Variants in CNTN5 observed in about 807,000 individuals in gnomAD.
CNTN5 encodes the protein contactin 5, also known as contactin-5.
In CNTN5, 77 loss-of-function variants were observed where a neutral mutation model predicts 129.1. The ratio of observed to expected loss-of-function variants is 0.60; its 90% confidence interval spans 0.50 to 0.72. The LOEUF (loss-of-function observed/expected upper bound fraction) is 0.72, where lower values mean the gene tolerates loss of function less well. CNTN5 is among the 30% of genes least tolerant of loss of function. The pLI is 0.00. For missense variants in CNTN5, 1,478 were observed against 1,328.8 expected (o/e 1.11, Z -1.75); for synonymous variants, 509 against 465.6 (o/e 1.09, Z -1.20).
At chr11:100,107,270 C>A (rs909558635) in intron 13 of CNTN5, among the ~76,000 whole-genome samples, 2 of 151,928 alleles carry the variant, frequency 1.3e-5, no homozygotes, top group African/African-American at 2.4e-5. Context: ...GAAATAGAAG[C>A]CCCTAGTGTA....
At chr11:99,649,481 T>C (rs1952079759) in intron 3 of CNTN5, among the ~76,000 whole-genome samples, 1 of 151,770 alleles carries the variant, frequency 6.6e-6, no homozygotes, top group African/African-American at 2.4e-5. Context: ...AAATCTCAGG[T>C]ATTTTACTGA....
intron 3 of CNTN5, among the ~76,000 whole-genome samples, chr11:99,811,979 G>C (rs1308071177): frequency 6.6e-6 from 1 of 152,096 alleles, no homozygotes; most frequent in African/African-American, 2.4e-5. Context: ...GGTTTGAGGA[G>C]AGTGGGTAAG....
At chr11:99,584,655 G>T (rs1300156015) in intron 3 of CNTN5, among the ~76,000 whole-genome samples, 1 of 152,162 alleles carries the variant, frequency 6.6e-6, no homozygotes, top group African/African-American at 2.4e-5. Flanking sequence ...ACATATGTTA[G>T]TAATTTGTGT....
At chr11:99,516,136 TA>T (rs35072410) in intron 2 of CNTN5, among the ~76,000 whole-genome samples, 24 of 151,262 alleles carry the variant, frequency 1.6e-4, no homozygotes, top group Admixed American at 1.1e-3. Context: ...TGCTAATTGT[TA>T]AAAAAAATGG....
intron 3 of CNTN5, among the ~76,000 whole-genome samples, chr11:99,722,196 GTAT>G (rs1024361816): frequency 1.2e-4 from 19 of 152,252 alleles, no homozygotes; most frequent in African/African-American, 4.6e-4. Flanking sequence ...GTTCACTGCA[GTAT>G]TATTGAAAGT....
intron 13 of CNTN5, among the ~76,000 whole-genome samples, chr11:100,091,636 C>G (rs979450449): frequency 1.9e-4 from 29 of 151,798 alleles, no homozygotes; most frequent in African/African-American, 7.0e-4. Flanking sequence ...ACCACGTTGG[C>G]CAGGCTGGTC....
intron 1 of CNTN5, among the ~76,000 whole-genome samples, chr11:99,254,133 A>T (rs1245348482): frequency 1.3e-5 from 2 of 151,848 alleles, no homozygotes; most frequent in Non-Finnish European, 2.9e-5. Flanking sequence ...AATTAATGCT[A>T]TATTAGATCA....
intron 2 of CNTN5, among the ~76,000 whole-genome samples, chr11:99,475,188 T>A (rs1207657857): frequency 6.6e-6 from 1 of 151,976 alleles, no homozygotes; most frequent in Non-Finnish European, 1.5e-5. Flanking sequence ...ACTGTGGGAG[T>A]GAATTAATTA....
chr11:99,791,105 G>T (rs536012705), intron 3 of CNTN5, among the ~76,000 whole-genome samples: 137 of 101,976 alleles, frequency 1.3e-3, no homozygotes, highest in Non-Finnish European at 4.9e-4. Flanking sequence ...TGTTTACTTT[G>T]TTGATAGTTT....
intron 3 of CNTN5, among the ~76,000 whole-genome samples, chr11:99,739,986 C>T (rs999990005): frequency 2.0e-5 from 3 of 152,012 alleles, no homozygotes; most frequent in African/African-American, 7.3e-5. Flanking sequence ...TGCTATTTCC[C>T]CTACTAATTT....
chr11:100,312,660 C>T (rs1401094308), intron 21 of CNTN5, among the ~76,000 whole-genome samples: 3 of 151,990 alleles, frequency 2.0e-5, no homozygotes, highest in African/African-American at 7.2e-5. Context: ...GTCATCAAAA[C>T]CAAAATGATC....
intron 9 of CNTN5, among the ~76,000 whole-genome samples, chr11:100,038,410 G>A (rs1477047783): frequency 1.3e-5 from 2 of 152,280 alleles, no homozygotes; most frequent in Non-Finnish European, 2.9e-5. Context: ...TTTTGGAATA[G>A]GTGTGGTGTG....
rs1163753320 is a variant in CNTN5, at chr11:99,598,329, CCTCT to C, written c.55+42102_55+42105del. ...CTTTTCTTTTCTTTTCTTTTCTGTC[CCTCT>C]CTCTCTCTCTCTCTCTCTCTCTCTC... is the stretch of plus-strand genomic sequence containing the variant. On this transcript the variant is annotated intron_variant, in intron 3 of 24. Transcript: ENST00000524871. Among the ~76,000 whole-genome samples, 91 of 12,642 alleles carry C rather than the reference CCTCT, an allele frequency of 7.2e-3. 6 individuals are homozygous for C. The highest frequency in any genetic ancestry group is 0.031 in the African/African-American group (87 of 2,830). The allele number at this position is 12,642 out of a possible 152,430, so 8.3% of individuals were successfully genotyped here.
chr11:99,378,962 G>A (rs114461142), intron 2 of CNTN5, among the ~76,000 whole-genome samples: 1 of 152,074 alleles, frequency 6.6e-6, no homozygotes, highest in Admixed American at 6.6e-5. Context: ...GAGATAGTTT[G>A]ACATGAATTC....
intron 6 of CNTN5, among the ~76,000 whole-genome samples, chr11:99,915,337 A>G (rs1277203768): frequency 6.6e-6 from 1 of 152,122 alleles, no homozygotes; most frequent in Non-Finnish European, 1.5e-5. Context: ...CTTTTTAGGA[A>G]AATCTTTTCA....
intron 8 of CNTN5, among the ~76,000 whole-genome samples, chr11:99,971,712 T>C (rs1005140783): frequency 1.6e-4 from 24 of 152,004 alleles, no homozygotes; most frequent in African/African-American, 5.1e-4. Context: ...ATTGAAATTA[T>C]ATAAATCGAA....
At chr11:99,313,316 AT>A (rs1158643343) in intron 1 of CNTN5, among the ~76,000 whole-genome samples, 2 of 152,102 alleles carry the variant, frequency 1.3e-5, no homozygotes, top group African/African-American at 4.8e-5. Flanking sequence ...AGCTTGAATT[AT>A]TTGTGCTTTC....
chr11:99,255,242 A>G (rs977304625), intron 1 of CNTN5, among the ~76,000 whole-genome samples: 2 of 151,876 alleles, frequency 1.3e-5, no homozygotes, highest in Non-Finnish European at 2.9e-5. Flanking sequence ...TTATTTTTAA[A>G]ATATATCCAG....
At chr11:100,170,216 T>C (rs1024371930) in intron 13 of CNTN5, among the ~76,000 whole-genome samples, 6 of 152,000 alleles carry the variant, frequency 3.9e-5, no homozygotes, top group Admixed American at 3.3e-4. Flanking sequence ...ATTTTGCAAA[T>C]AGATTATTCA....
Sources: allele counts gnomAD v4.1 joint callset (sites outside exome capture counted in the v4.1 genomes callset), GRCh38; gene constraint gnomAD v4.1.1; transcripts MANE v1.5; gene names NCBI Gene and HGNC (gene_info 2026-07-23, HGNC 2026-07-21).